Variants in PDE1C observed in about 807,000 individuals in gnomAD.
PDE1C encodes the protein dual specificity calcium/calmodulin-dependent 3',5'-cyclic nucleotide phosphodiesterase 1C.
PDE1C carries 62 observed loss-of-function variants against 93.1 expected under a neutral mutation model. The observed-to-expected ratio is 0.67, with a 90% CI of 0.54 to 0.82. The LOEUF (loss-of-function observed/expected upper bound fraction) is 0.82. Among genes scored for constraint, PDE1C ranks in the 40% least tolerant of loss-of-function variants. The probability of loss-of-function intolerance (pLI) is 0.00; values close to 1 mark genes in which losing one functional copy is unlikely to be tolerated. For missense variants in PDE1C, 742 were observed against 884.6 expected, an observed-to-expected ratio of 0.84 and a Z score of 2.04; for synonymous variants, 325 against 310.1, an observed-to-expected ratio of 1.05 and a Z score of -0.50.
chr7:32,242,811 C>A (rs373624290), intron 1 of PDE1C, among the ~76,000 whole-genome samples: 1 of 152,158 alleles, frequency 6.6e-6, no homozygotes, highest in Non-Finnish European at 1.5e-5. Flanking sequence ...CCTCCAAAGA[C>A]AACCCAGTTT....
At chr7:32,258,564 C>G (rs1322202760) in intron 1 of PDE1C, among the ~76,000 whole-genome samples, 1 of 152,134 alleles carries the variant, frequency 6.6e-6, no homozygotes, top group Non-Finnish European at 1.5e-5. Flanking sequence ...GTGCACATGC[C>G]CAGCACAATC....
chr7:32,084,995 C>A, intron 3 of PDE1C, among the ~76,000 whole-genome samples: 1 of 127,696 alleles, frequency 7.8e-6, no homozygotes, highest in Non-Finnish European at 1.7e-5. Flanking sequence ...CAAGAAACAA[C>A]TAAAATCAGA....
At chr7:31,854,128 G>A (rs1793703017) in intron 7 of PDE1C, among the ~76,000 whole-genome samples, 1 of 152,124 alleles carries the variant, frequency 6.6e-6, no homozygotes, top group South Asian at 2.1e-4. Flanking sequence ...GGAAGTGGTA[G>A]GAGGACCAGA....
At chr7:32,126,714 A>G (rs1457510461) in intron 3 of PDE1C, among the ~76,000 whole-genome samples, 1 of 152,174 alleles carries the variant, frequency 6.6e-6, no homozygotes, top group Non-Finnish European at 1.5e-5. Context: ...TAGAAGAGTG[A>G]AATAATAGGG....
chr7:31,750,575 G>A (rs959072298), downstream of PDE1C, among the ~76,000 whole-genome samples: 6 of 152,114 alleles, frequency 3.9e-5, no homozygotes, highest in Non-Finnish European at 8.8e-5. Context: ...TAATGAGTCA[G>A]GAATTCTTAT....
chr7:32,248,320 T>C (rs898385079), intron 1 of PDE1C, among the ~76,000 whole-genome samples: 4 of 152,092 alleles, frequency 2.6e-5, no homozygotes, highest in Admixed American at 2.6e-4. Flanking sequence ...CAAATCCTCT[T>C]CAAAGAACGT....
At position 31,836,193 on chromosome 7, in the gene PDE1C, C is replaced by T. The variant is rs112639927; in HGVS notation, c.1203+987G>A. 6.9e-3 allele frequency among the ~76,000 whole-genome samples: 1,044 copies of T among 152,274 alleles called. 17 individuals carry two copies. The highest frequency in any genetic ancestry group is 0.023 in the African/African-American group (962 of 41,558). Reference sequence around the variant, plus strand: ...GGATGCAGATGTTTGAATGGCAGCACCTCTAGAGATAAGGTTAGCACATGT... The same window carrying T: ...GGATGCAGATGTTTGAATGGCAGCATCTCTAGAGATAAGGTTAGCACATGT... On this transcript the variant is annotated intron_variant, in intron 11 of 17. Transcript: ENST00000396191.
intron 1 of PDE1C, among the ~76,000 whole-genome samples, chr7:32,233,451 A>G (rs533104815): frequency 6.6e-6 from 1 of 152,268 alleles, no homozygotes; most frequent in East Asian, 1.9e-4. Context: ...CATCTCAAAT[A>G]TTATGCTATA....
chr7:31,950,700 G>C (rs894356616), intron 2 of PDE1C, among the ~76,000 whole-genome samples: 1 of 152,018 alleles, frequency 6.6e-6, no homozygotes, highest in Non-Finnish European at 1.5e-5. Flanking sequence ...TATTTTTTTA[G>C]TAGTAAAAAA....
At chr7:31,623,980 GACAA>G in the PDE1C span, among the ~76,000 whole-genome samples, 3 of 149,014 alleles carry the variant, frequency 2.0e-5, no homozygotes, top group African/African-American at 7.4e-5. Flanking sequence ...ACCAATAACA[GACAA>G]ACAGAGAGCC....
At chr7:31,977,330 G>A (rs1166494000) in intron 2 of PDE1C, among the ~76,000 whole-genome samples, 2 of 152,150 alleles carry the variant, frequency 1.3e-5, no homozygotes, top group East Asian at 3.9e-4. Flanking sequence ...CCAGATGCCA[G>A]TGTCATGGCC....
chr7:31,836,631 C>T lies in PDE1C; in HGVS notation c.1203+549G>A, dbSNP rs955161136. ...TACAGGCATGAGCCACTGCACCAGA[C>T]CGATCCTGCCTATTCTTATAGACAA... On this transcript the variant is annotated intron_variant, in intron 11 of 17. Transcript: ENST00000396191. Among the ~76,000 whole-genome samples, 7 of 152,064 alleles carry T rather than the reference C, an allele frequency of 4.6e-5. No individual in the cohort carries two copies. The East Asian group carries it at 1.2e-3, about 25-fold the overall frequency.
intron 1 of PDE1C, among the ~76,000 whole-genome samples, chr7:32,308,759 C>G (rs1176920727): frequency 6.6e-6 from 1 of 152,156 alleles, no homozygotes; most frequent in Non-Finnish European, 1.5e-5. Flanking sequence ...ACGTCACCAT[C>G]ATCAAAGACC....
chr7:32,275,848 T>G (rs149464748), intron 1 of PDE1C, among the ~76,000 whole-genome samples: 83 of 152,268 alleles, frequency 5.5e-4, no homozygotes, highest in Non-Finnish European at 9.9e-4. Flanking sequence ...TAACTGAATG[T>G]CTAAGACAAG....
intron 2 of PDE1C, among the ~76,000 whole-genome samples, chr7:32,180,418 C>A (rs896054546): frequency 2.6e-5 from 4 of 152,108 alleles, no homozygotes; most frequent in African/African-American, 4.8e-5. Flanking sequence ...CCTAAATCCC[C>A]AGTATAATAG....
intron 7 of PDE1C, among the ~76,000 whole-genome samples, chr7:31,857,046 G>A (rs1016413): frequency 6.6e-6 from 1 of 151,876 alleles, no homozygotes; most frequent in Admixed American, 6.6e-5. Context: ...TAATGGATTA[G>A]AGCCCATCCA....
intron 1 of PDE1C, among the ~76,000 whole-genome samples, chr7:32,218,999 G>A (rs1206561890): frequency 6.6e-6 from 1 of 152,188 alleles, no homozygotes; most frequent in Non-Finnish European, 1.5e-5. Context: ...GCCTGGCCCC[G>A]AGCTTCCTGG....
Position 32,304,360 on chromosome 7 carries a change from A to G in PDE1C, c.311-94821T>C, listed in dbSNP as rs568767450. Among the ~76,000 whole-genome samples the G allele has an allele frequency of 2.7e-3, 417 of 152,332 alleles. 6 individuals are homozygous for G. The highest frequency in any genetic ancestry group is 3.4e-4 in the Non-Finnish European group (23 of 68,026). On this transcript the variant is annotated intron_variant, in intron 1 of 1. Coordinates refer to the PDE1C transcript ENST00000672256. ...CCCTGGCACAGAGTAAGCCTTCGCT[A>G]AAACATTTATGAATTAAAAAGTAAA... is the stretch of plus-strand genomic sequence containing the variant.
In PDE1C at chr7:31,816,498, A is replaced by T. The variant is rs145833743; in HGVS notation, c.1583-344T>A. On this transcript the variant is annotated intron_variant, in intron 14 of 17. Coordinates refer to ENST00000396191, the MANE Select transcript of PDE1C (RefSeq NM_001191057.4). ...GTATTATGCTGAGTGTTTTTTGGGG[A>T]TTATTTATTTTCATCCTCAAAACAA... Among the ~76,000 whole-genome samples the T allele has an allele frequency of 1.8e-3, 279 of 151,982 alleles. 2 individuals are homozygous for T. The highest frequency in any genetic ancestry group is 5.9e-3 in the African/African-American group (243 of 41,456).
Sources: allele counts gnomAD v4.1 joint callset (sites outside exome capture counted in the v4.1 genomes callset), GRCh38; gene constraint gnomAD v4.1.1; transcripts MANE v1.5; gene names NCBI Gene and HGNC (gene_info 2026-07-23, HGNC 2026-07-21).